Variants in GRB10 observed in about 807,000 individuals in gnomAD.
GRB10 encodes the protein growth factor receptor-bound protein 10.
Under a neutral mutation model 80.9 loss-of-function variants are expected in GRB10, and 20 were observed. That is an observed-to-expected ratio of 0.25 (90% CI 0.17 to 0.36). GRB10 has a LOEUF of 0.36. GRB10 is among the 10% of genes least tolerant of loss of function. The pLI, the probability that GRB10 is intolerant of heterozygous loss-of-function variation, is 1.00. For synonymous variants in GRB10, 291 were observed against 291.5 expected (o/e 1.00, Z 0.02); for missense variants, 548 against 747.7 (o/e 0.73, Z 3.12).
chr7:50,787,666 C>T (rs150229568), upstream of GRB10, among the ~76,000 whole-genome samples: 31 of 152,272 alleles, frequency 2.0e-4, no homozygotes, highest in Non-Finnish European at 2.8e-4. Context: ...AGAGATGAGG[C>T]GACAATGACA....
At chr7:50,754,966 G>A (rs1185900564) in intron 3 of GRB10, among the ~76,000 whole-genome samples, 1 of 152,222 alleles carries the variant, frequency 6.6e-6, no homozygotes, top group Admixed American at 6.5e-5. Flanking sequence ...CCAGAGGGAA[G>A]AGCAGGTGAG....
chr7:50,605,501 A>G (rs1237778061), intron 14 of GRB10, 95 bp from the exon 15 acceptor site: 1 of 1,024,254 alleles, frequency 9.8e-7, no homozygotes, highest in Admixed American at 1.7e-5. Flanking sequence ...AGGAAAGGGG[A>G]GCAGGGAATG....
At position 50,734,162 on chromosome 7, in the gene GRB10, C is replaced by G. The variant is rs181535286; in HGVS notation, c.-46-1794G>C. 3.3e-4 allele frequency among the ~76,000 whole-genome samples: 51 copies of G among 152,254 alleles called. No individual in the cohort carries two copies. In the East Asian group the frequency reaches 9.8e-3, roughly 29 times the overall value. Reference sequence around the variant, plus strand: ...GTTGAGGTGGATCAGTGCCCCAAATCATTTGCTGCCAGATCGCAGGACCAT... The same window carrying G: ...GTTGAGGTGGATCAGTGCCCCAAATGATTTGCTGCCAGATCGCAGGACCAT... On this transcript the variant is annotated intron_variant, in intron 3 of 18. Transcript: ENST00000401949.
At chr7:50,702,705 T>A (rs916221390) in intron 5 of GRB10, among the ~76,000 whole-genome samples, 1 of 152,168 alleles carries the variant, frequency 6.6e-6, no homozygotes. Context: ...CCAGCTCTCT[T>A]CTACACAGAA....
At chr7:50,649,879 C>T (rs1048512901) in intron 7 of GRB10, among the ~76,000 whole-genome samples, 6 of 152,130 alleles carry the variant, frequency 3.9e-5, no homozygotes, top group African/African-American at 9.7e-5. Flanking sequence ...TGGTGTGCTT[C>T]GACTATATTT....
rs752078809 is a variant in GRB10 at position 50,741,551 on chromosome 7, T to TAA, written c.-46-9185_-46-9184dup. ...AAACCAGAAATTAGGAACATGTGTT[T>TAA]AAAAAAAAAAAAAAAAAAAAAAAAC... is the stretch of plus-strand genomic sequence containing the variant. On this transcript the variant is annotated intron_variant, in intron 3 of 18. Coordinates refer to ENST00000401949, the MANE Select transcript of GRB10 (RefSeq NM_001350814.2). Among the ~76,000 whole-genome samples, 96 of 116,752 alleles carry TAA rather than the reference T, an allele frequency of 8.2e-4. 1 individual carries two copies. The highest frequency in any genetic ancestry group is 6.8e-3 in the East Asian group (29 of 4,246). The allele number at this position is 116,752 out of a possible 152,430, so 76.6% of individuals were successfully genotyped here.
chr7:50,599,613 G>T (rs949163079), intron 17 of GRB10, among the ~76,000 whole-genome samples: 3 of 152,234 alleles, frequency 2.0e-5, no homozygotes, highest in African/African-American at 7.2e-5. Context: ...AGGCTCCAGG[G>T]AGGACGGAGA....
chr7:50,746,227 C>T (rs1233299669), intron 3 of GRB10, among the ~76,000 whole-genome samples: 8 of 152,140 alleles, frequency 5.3e-5, no homozygotes, highest in Non-Finnish European at 1.2e-4. Context: ...TACAACTTAC[C>T]ATTGGGTTAT....
intron 4 of GRB10, chr7:50,705,360 G>T: frequency 1.1e-6 from 1 of 898,948 alleles, no homozygotes; most frequent in Non-Finnish European, 1.3e-6. Context: ...AAGCCCTAAG[G>T]AAGGGAGACA....
chr7:50,662,659 T>C (rs2059395804), intron 7 of GRB10, among the ~76,000 whole-genome samples: 2 of 152,256 alleles, frequency 1.3e-5, no homozygotes, highest in African/African-American at 4.8e-5. Context: ...TTTCACCTTG[T>C]GGAGCTTCAG....
chr7:50,787,614 T>C (rs1364436655), upstream of GRB10, among the ~76,000 whole-genome samples: 1 of 152,032 alleles, frequency 6.6e-6, no homozygotes, highest in Non-Finnish European at 1.5e-5. Context: ...CTCACTGCCC[T>C]GCAGGCCTAG....
At chr7:50,695,644 A>G (rs1217497123) in intron 5 of GRB10, among the ~76,000 whole-genome samples, 1 of 152,144 alleles carries the variant, frequency 6.6e-6, no homozygotes, top group African/African-American at 2.4e-5. Flanking sequence ...TCTCTCTTCC[A>G]ATACTATACC....
At chr7:50,689,722 A>G (rs1586916249) in intron 5 of GRB10, among the ~76,000 whole-genome samples, 1 of 152,334 alleles carries the variant, frequency 6.6e-6, no homozygotes, top group East Asian at 1.9e-4. Flanking sequence ...AGTGGGGAAT[A>G]TAATATTAGC....
chr7:50,628,846 T>A (rs1429236595), intron 7 of GRB10, among the ~76,000 whole-genome samples: 1 of 152,198 alleles, frequency 6.6e-6, no homozygotes, highest in Admixed American at 6.5e-5. Context: ...TCAATGAAAG[T>A]ATACTTCCCC....
intron 7 of GRB10, among the ~76,000 whole-genome samples, chr7:50,650,088 C>T (rs2057813282): frequency 1.3e-5 from 2 of 152,016 alleles, no homozygotes; most frequent in Admixed American, 6.6e-5. Context: ...GGCCTCCAAA[C>T]ACCAAGCAGC....
chr7:50,792,982 G>C (rs1173159770), intron 1 of GRB10: 1 of 141,832 alleles, frequency 7.1e-6, no homozygotes, highest in Non-Finnish European at 1.6e-5. Flanking sequence ...CGCCTCCGCC[G>C]CGCGCCCGCA....
At chr7:50,645,310 G>GA (rs1359713666) in intron 7 of GRB10, among the ~76,000 whole-genome samples, 23 of 152,124 alleles carry the variant, frequency 1.5e-4, no homozygotes, top group African/African-American at 5.6e-4. Flanking sequence ...AGATTTCTTT[G>GA]AAAAAGCAGA....
rs537790832 is a variant in GRB10, at chr7:50,603,416, T to C, written c.1544+582A>G. ...CATGTGTAGTGGGGTTTAACCTCTC[T>C]TGCTATGCCTGGGAGCCTCAAGTAA... On this transcript the variant is annotated intron_variant, in intron 17 of 18. Coordinates refer to ENST00000401949, the MANE Select transcript of GRB10 (RefSeq NM_001350814.2). Among the ~76,000 whole-genome samples the C allele has an allele frequency of 9.2e-5, 14 of 152,336 alleles. No homozygotes were observed. The South Asian group carries it at 2.7e-3, about 29-fold the overall frequency.
At chr7:50,712,525 C>A (rs1314047940) in intron 4 of GRB10, among the ~76,000 whole-genome samples, 2 of 88,938 alleles carry the variant, frequency 2.2e-5, no homozygotes, top group Non-Finnish European at 6.7e-5. Flanking sequence ...AAAAACTTTT[C>A]TCCCAAATGG....
Sources: gnomAD v4.1 joint callset for allele counts (sites outside exome capture counted in the v4.1 genomes callset) on GRCh38, gnomAD v4.1.1 for gene constraint, MANE v1.5 for transcripts, NCBI Gene and HGNC (gene_info 2026-07-23, HGNC 2026-07-21) for gene names.